ZMYM2: variants seen among roughly 807,000 people sequenced by gnomAD.
ZMYM2 encodes the protein zinc finger MYM-type containing 2.
In ZMYM2, 56 loss-of-function variants were observed where a neutral mutation model predicts 162.8. That is an observed-to-expected ratio of 0.34 (90% CI 0.28 to 0.43). The LOEUF (loss-of-function observed/expected upper bound fraction) is 0.43. Ranked by LOEUF, ZMYM2 falls within the 20% of genes least tolerant of loss-of-function variation. ZMYM2 has a pLI of 1.00. For missense variants in ZMYM2, 1,275 were observed against 1,621.8 expected (o/e 0.79, Z 3.67); for synonymous variants, 510 against 541.6 (o/e 0.94, Z 0.81).
the ZMYM2 span, among the ~76,000 whole-genome samples, chr13:19,875,435 C>T: frequency 1.3e-3 from 192 of 152,070 alleles, 1 homozygote; most frequent in African/African-American, 4.4e-3. Context: ...GGAGACCATC[C>T]TGGCCAACAT....
At chr13:19,944,483 T>TA in the ZMYM2 span, among the ~76,000 whole-genome samples, 57 of 151,380 alleles carry the variant, frequency 3.8e-4, 1 homozygote, top group Admixed American at 2.8e-3. Flanking sequence ...AATGTTGAAT[T>TA]AAAAAAAAAG....
chr13:20,070,336 A>AT (rs934076025), intron 21 of ZMYM2: 129 of 215,770 alleles, frequency 6.0e-4, no homozygotes, highest in South Asian at 1.1e-3. Flanking sequence ...CTTTCTTAAC[A>AT]TTTTTTTTTC....
At chr13:20,011,447 T>C (rs1433446139) in intron 6 of ZMYM2, among the ~76,000 whole-genome samples, 1 of 152,240 alleles carries the variant, frequency 6.6e-6, no homozygotes, top group African/African-American at 2.4e-5. Flanking sequence ...TTTTAGAGCA[T>C]TTCAGATTTT....
intron 6 of ZMYM2, among the ~76,000 whole-genome samples, chr13:20,018,407 C>G (rs1951794714): frequency 6.6e-6 from 1 of 152,172 alleles, no homozygotes; most frequent in African/African-American, 2.4e-5. Flanking sequence ...TTGGAGACAA[C>G]TACATGAGAT....
intron 2 of ZMYM2, among the ~76,000 whole-genome samples, chr13:19,965,033 A>G (rs979102212): frequency 2.0e-5 from 3 of 151,194 alleles, no homozygotes; most frequent in Non-Finnish European, 4.4e-5. Context: ...ACATGTATAC[A>G]TATGTAACTA....
At chr13:19,873,029 TA>T in the ZMYM2 span, among the ~76,000 whole-genome samples, 1 of 152,132 alleles carries the variant, frequency 6.6e-6, no homozygotes, top group Non-Finnish European at 1.5e-5. Context: ...AAATCCCTTT[TA>T]TAGGCACATA....
intron 3 of ZMYM2, among the ~76,000 whole-genome samples, chr13:20,002,604 G>A (rs1002120195): frequency 1.3e-5 from 2 of 152,048 alleles, no homozygotes; most frequent in Admixed American, 6.6e-5. Context: ...TGAGTTACCC[G>A]ACATACCCTT....
chr13:20,061,193 C>G lies in ZMYM2; in HGVS notation c.2880C>G (p.Asp960Glu). 1.2e-6 allele frequency: 2 copies of G among 1,613,622 alleles called. No homozygotes were observed. Among genetic ancestry groups the G allele is most frequent in the South Asian group, 2.2e-5 (2 of 91,002 alleles). ...LLTMTDMMSE[D>E]EGKTETTNIN... ...CAATGACGGATATGATGAGTGAAGACGAGGGGAAAACAGAGACAACCAACA... is the reference window on the plus strand; with the variant it reads ...CAATGACGGATATGATGAGTGAAGAGGAGGGGAAAACAGAGACAACCAACA... Residue 960 changes from aspartate to glutamate, a missense_variant, in exon 17 of 25, where the codon GAC (aspartate) becomes GAG (glutamate). By Grantham distance (45) the Asp-to-Glu change is conservative. This residue lies in a region of ZMYM2 where 229 missense variants were observed against 283.8 expected (regional missense o/e 0.81). Coordinates refer to ENST00000610343, the MANE Select transcript of ZMYM2 (RefSeq NM_197968.4).
the ZMYM2 span, among the ~76,000 whole-genome samples, chr13:19,939,049 AG>A: frequency 2.3e-5 from 3 of 131,336 alleles, no homozygotes; most frequent in African/African-American, 8.8e-5. Context: ...TTTGAGATGG[AG>A]TCTCGCTCTG....
chr13:20,034,535 G>C, intron 11 of ZMYM2, 131 bp downstream of exon 11: 14 of 820,572 alleles, frequency 1.7e-5, no homozygotes, highest in Non-Finnish European at 2.4e-5. Context: ...CGTTTCTACT[G>C]ACTTGTTTCG....
chr13:19,888,360 A>T, the ZMYM2 span, among the ~76,000 whole-genome samples: 2 of 151,176 alleles, frequency 1.3e-5, no homozygotes, highest in African/African-American at 4.9e-5. Context: ...GCTAATTTTT[A>T]AAATTTCTGA....
In ZMYM2 at chr13:20,046,549, G is replaced by T. The variant is rs951751600; in HGVS notation, c.2293-4884G>T. On this transcript the variant is annotated intron_variant, in intron 12 of 24. Transcript: ENST00000610343. ...GGCCTGGGGGACACAGTAAGACTTT[G>T]TCTCTAAAAAAAAAAATATATATAT... 1.3e-4 allele frequency among the ~76,000 whole-genome samples: 8 copies of T among 60,522 alleles called. 1 individual carries two copies. The East Asian group carries it at 4.2e-3, about 32-fold the overall frequency. The allele number at this position is 60,522 out of a possible 152,430, so 39.7% of individuals were successfully genotyped here.
chr13:20,019,755 G>T, intron 7 of ZMYM2, 137 bp downstream of exon 7: 1 of 748,376 alleles, frequency 1.3e-6, no homozygotes, highest in Non-Finnish European at 2.2e-6. Context: ...ATCAAATGAT[G>T]AATGTTTTAT....
chr13:19,960,408 T>G (rs1240328281), intron 2 of ZMYM2, among the ~76,000 whole-genome samples: 1 of 152,236 alleles, frequency 6.6e-6, no homozygotes, highest in African/African-American at 2.4e-5. Flanking sequence ...CATTTTTTCT[T>G]CCTTAAACAA....
At position 20,084,967 on chromosome 13, in the gene ZMYM2, C is replaced by T. The variant is rs185048615; in HGVS notation, c.3942-855C>T. Among the ~76,000 whole-genome samples the T allele has an allele frequency of 1.2e-3, 177 of 152,194 alleles. 2 individuals are homozygous for T. The Middle Eastern group carries it at 0.017, about 15-fold the overall frequency. ...AAGTGTTTTAGATTTCAGATTTTTT[C>T]GGATTTTGGAATATTTGCATATACA... is the stretch of plus-strand genomic sequence containing the variant. On this transcript the variant is annotated intron_variant, in intron 24 of 24. Coordinates refer to ENST00000610343, the MANE Select transcript of ZMYM2 (RefSeq NM_197968.4).
At chr13:19,887,786 C>T in the ZMYM2 span, among the ~76,000 whole-genome samples, 1 of 151,814 alleles carries the variant, frequency 6.6e-6, no homozygotes, top group African/African-American at 2.4e-5. Context: ...TTAAACATCT[C>T]TGATGTGTTT....
Position 20,005,152 on chromosome 13 carries a change from T to G in ZMYM2, c.1212T>G (p.Ser404=). 1.2e-6 allele frequency: 2 copies of G among 1,602,388 alleles called. No individual in the cohort carries two copies. Among genetic ancestry groups the G allele is most frequent in the South Asian group, 1.1e-5 (1 of 88,718 alleles). Reference sequence around the variant, plus strand: ...CCTTCCAGGAATTCTGTAGTACATCTTGTTTATCTCTCTATGAAGACAAAC... The same window carrying G: ...CCTTCCAGGAATTCTGTAGTACATCGTGTTTATCTCTCTATGAAGACAAAC... ...SESFQEFCST[S]CLSLYEDKQN... Residue 404 remains serine, a synonymous_variant, in exon 5 of 25, where the codon TCT becomes TCG. Coordinates refer to ENST00000610343, the MANE Select transcript of ZMYM2 (RefSeq NM_197968.4).
At chr13:20,032,595 CTG>C (rs1207860750) in intron 10 of ZMYM2, among the ~76,000 whole-genome samples, 3 of 96,380 alleles carry the variant, frequency 3.1e-5, no homozygotes, top group Non-Finnish European at 2.2e-5. Context: ...GATTTTTTTT[CTG>C]TCTTTTTTTT....
the ZMYM2 span, among the ~76,000 whole-genome samples, chr13:19,933,012 A>G: frequency 6.6e-6 from 1 of 152,156 alleles, no homozygotes; most frequent in Non-Finnish European, 1.5e-5. Flanking sequence ...GCAGTGGTGC[A>G]ATCATAGTTC....
Sources: gnomAD v4.1 joint callset for allele counts (sites outside exome capture counted in the v4.1 genomes callset) on GRCh38, gnomAD v4.1.1 for gene constraint, gnomAD v4.1.1 regional missense constraint, MANE v1.5 for transcripts, NCBI Gene and HGNC (gene_info 2026-07-23, HGNC 2026-07-21) for gene names.